XPNPEP1: variants seen among roughly 807,000 people sequenced by gnomAD.
The protein encoded by XPNPEP1 is xaa-Pro aminopeptidase 1.
A neutral mutation model predicts 92.4 loss-of-function variants in XPNPEP1; 39 were observed. The observed-to-expected ratio is 0.42, with a 90% CI of 0.33 to 0.55. The LOEUF is 0.55. Among genes scored for constraint, XPNPEP1 ranks in the 20% least tolerant of loss-of-function variants. XPNPEP1 has a pLI of 0.08. For synonymous variants in XPNPEP1, 307 were observed against 299.4 expected, an observed-to-expected ratio of 1.03 and a Z score of -0.26; for missense variants, 654 against 856.1, an observed-to-expected ratio of 0.76 and a Z score of 2.95.
chr10:109,915,402 C>A (rs1367417843), intron 1 of XPNPEP1, among the ~76,000 whole-genome samples: 1 of 152,166 alleles, frequency 6.6e-6, no homozygotes, highest in Non-Finnish European at 1.5e-5. Context: ...CTATTTGGTT[C>A]TTTTTCACAT....
At chr10:109,907,183 T>C (rs745881959) in intron 3 of XPNPEP1, among the ~76,000 whole-genome samples, 7 of 152,142 alleles carry the variant, frequency 4.6e-5, no homozygotes, top group Non-Finnish European at 1.0e-4. Context: ...ATAAGCCTAG[T>C]GAGAGCAGAC....
At chr10:109,891,889 C>A in intron 4 of XPNPEP1, 63 bp from the exon 5 acceptor site, 1 of 1,541,020 alleles carries the variant, frequency 6.5e-7, no homozygotes, top group Non-Finnish European at 8.9e-7. Flanking sequence ...AGAAGCTGCA[C>A]AAAATGACAG....
chr10:109,908,992 CG>C (rs2133535159), intron 2 of XPNPEP1, among the ~76,000 whole-genome samples: 1 of 149,748 alleles, frequency 6.7e-6, no homozygotes, highest in African/African-American at 2.5e-5. Context: ...CGGGAGTGGC[CG>C]GGTGCGGTGG....
chr10:109,898,084 G>A (rs1370799669), intron 3 of XPNPEP1, among the ~76,000 whole-genome samples: 7 of 152,212 alleles, frequency 4.6e-5, no homozygotes, highest in Non-Finnish European at 1.0e-4. Flanking sequence ...AATACGAGGT[G>A]TATGCTGCAC....
rs371478516 is a variant in XPNPEP1, at chr10:109,877,886, A to G, written c.1242-19T>C. On this transcript the variant is annotated intron_variant, in intron 13 of 20. Coordinates refer to ENST00000502935, the MANE Select transcript of XPNPEP1 (RefSeq NM_020383.4). ...CTGTTGCCTGTAACAGAAAGACAGA[A>G]AGCAGAGTGGCTTAAAGGTTTTTAC... is the stretch of plus-strand genomic sequence containing the variant. 1.1e-5 allele frequency: 17 copies of G among 1,614,112 alleles called. No individual in the cohort carries two copies. The highest frequency in any genetic ancestry group is 1.4e-5 in the Non-Finnish European group (16 of 1,180,036).
chr10:109,871,926 G>C, intron 16 of XPNPEP1, 65 bp from the exon 17 acceptor site: 1 of 1,481,458 alleles, frequency 6.8e-7, no homozygotes, highest in Non-Finnish European at 9.2e-7. Context: ...TAGTTTTCTG[G>C]TAGTTCAGAA....
Position 109,882,434 on chromosome 10 carries a change from T to C in XPNPEP1, c.1039A>G (p.Lys347Glu). 3 of 1,609,654 alleles carry C rather than the reference T, an allele frequency of 1.9e-6. No individual in the cohort carries two copies. Among genetic ancestry groups the C allele is most frequent in the Non-Finnish European group, 2.6e-6 (3 of 1,176,436 alleles). Residue 347 changes from lysine to glutamate, a missense_variant and splice_region_variant, in exon 10 of 21, where the codon AAG becomes GAG. Coordinates refer to ENST00000502935, the MANE Select transcript of XPNPEP1 (RefSeq NM_020383.4). ...ASYAVSETIP[K>E]DHRCCMPYTP... ...TGGGCCAAAGTGGGGTCACCAACCT[T>C]GGGGATGGTCTCGCTCACAGCATAG...
At chr10:109,918,264 T>C (rs534729586) in intron 1 of XPNPEP1, among the ~76,000 whole-genome samples, 4 of 150,740 alleles carry the variant, frequency 2.7e-5, no homozygotes, top group Non-Finnish European at 4.4e-5. Context: ...CTACAAAATT[T>C]ACAAAAATGA....
At chr10:109,875,308 A>G (rs1035864242) in intron 15 of XPNPEP1, among the ~76,000 whole-genome samples, 1 of 152,222 alleles carries the variant, frequency 6.6e-6, no homozygotes, top group African/African-American at 2.4e-5. Flanking sequence ...CCAGCCAAGG[A>G]CTGTAACATT....
In XPNPEP1 at chr10:109,911,788, A is replaced by G. The variant is rs112358121; in HGVS notation, c.121+3223T>C. 2.1e-3 allele frequency among the ~76,000 whole-genome samples: 320 copies of G among 152,348 alleles called. 2 individuals carry two copies. Among genetic ancestry groups the G allele is most frequent in the African/African-American group, 7.3e-3 (304 of 41,578 alleles). On this transcript the variant is annotated intron_variant, in intron 2 of 20. Coordinates refer to ENST00000502935, the MANE Select transcript of XPNPEP1 (RefSeq NM_020383.4). ...TTCAGGAGTTTTAAAATGCAAAAAT[A>G]TAAGAGTCTAATATACTTTCTTTCA...
chr10:109,922,465 C>T (rs1198772951), intron 1 of XPNPEP1, among the ~76,000 whole-genome samples: 2 of 152,198 alleles, frequency 1.3e-5, no homozygotes. Flanking sequence ...CAGGGTGGGT[C>T]TGGTTTTCTG....
intron 2 of XPNPEP1, among the ~76,000 whole-genome samples, chr10:109,912,210 A>C (rs1414883163): frequency 1.3e-5 from 2 of 152,104 alleles, no homozygotes; most frequent in Non-Finnish European, 2.9e-5. Context: ...ATCAACACTC[A>C]ACACTTTCCC....
At chr10:109,912,712 G>T (rs1230852852) in intron 2 of XPNPEP1, among the ~76,000 whole-genome samples, 1 of 152,180 alleles carries the variant, frequency 6.6e-6, no homozygotes, top group Admixed American at 6.5e-5. Context: ...TCATGTAAAT[G>T]TTTAATGTTA....
chr10:109,881,752 C>A (rs564325), intron 10 of XPNPEP1, among the ~76,000 whole-genome samples: 1 of 152,202 alleles, frequency 6.6e-6, no homozygotes, highest in Admixed American at 6.5e-5. Context: ...AAGCCTACCT[C>A]TAAAGAGGCC....
chr10:109,873,228 TA>T, intron 16 of XPNPEP1, 138 bp downstream of exon 16: 1 of 929,566 alleles, frequency 1.1e-6, no homozygotes, highest in Non-Finnish European at 1.7e-6. Flanking sequence ...GTAAAGCAGA[TA>T]AGCCTGACTC....
chr10:109,904,845 G>T (rs962602110), intron 3 of XPNPEP1, among the ~76,000 whole-genome samples: 3 of 152,316 alleles, frequency 2.0e-5, no homozygotes, highest in Middle Eastern at 3.4e-3. Context: ...GCAGAAAACA[G>T]TATGGAAGTT....
chr10:109,921,066 G>A (rs1031639770), intron 1 of XPNPEP1, among the ~76,000 whole-genome samples: 2 of 152,132 alleles, frequency 1.3e-5, no homozygotes, highest in Non-Finnish European at 2.9e-5. Flanking sequence ...TGTTCTTGTC[G>A]TATCTTGGTC....
In XPNPEP1 at chr10:109,870,865, T is replaced by A. The variant is rs997999196; in HGVS notation, c.1562A>T (p.Asp521Val). 5 of 1,613,826 alleles carry A rather than the reference T, an allele frequency of 3.1e-6. No individual in the cohort carries two copies. The African/African-American group carries it at 6.7e-5, about 22-fold the overall frequency. ...LDSFARSALWDSGLDYLHGTG... is the reference protein window; with the variant it reads ...LDSFARSALWVSGLDYLHGTG... ...CCCGTGCAAGTAATCTAGGCCTGAA[T>A]CCCATAAAGCTGAACGGGCAAAGGA... The change falls in exon 18 of 21, where the codon GAT becomes GTT. Residue 521 changes from aspartate to valine, a missense_variant. Asp to Val is a radical substitution (Grantham distance 152). Coordinates refer to ENST00000502935, the MANE Select transcript of XPNPEP1 (RefSeq NM_020383.4).
chr10:109,906,228 A>G (rs567447822), intron 3 of XPNPEP1, among the ~76,000 whole-genome samples: 1 of 152,332 alleles, frequency 6.6e-6, no homozygotes, highest in African/African-American at 2.4e-5. Context: ...ACACACACAG[A>G]GTAACCAGGA....
Sources: allele counts gnomAD v4.1 joint callset (sites outside exome capture counted in the v4.1 genomes callset), GRCh38; gene constraint gnomAD v4.1.1; transcripts MANE v1.5; gene names NCBI Gene and HGNC (gene_info 2026-07-23, HGNC 2026-07-21).